Variants in SALL2 observed in about 807,000 individuals in gnomAD.
SALL2 encodes the protein sal-like protein 2.
Under a neutral mutation model 58.5 loss-of-function variants are expected in SALL2, and 32 were observed. That is an observed-to-expected ratio of 0.55 (90% CI 0.41 to 0.74). The LOEUF is 0.74. Ranked by LOEUF, SALL2 falls within the 30% of genes least tolerant of loss-of-function variation. The pLI is 0.00. For synonymous variants in SALL2, 516 were observed against 513.6 expected, an observed-to-expected ratio of 1.00 and a Z score of -0.06; for missense variants, 1,201 against 1,268.9, an observed-to-expected ratio of 0.95 and a Z score of 0.81.
chr14:21,534,196 G>A (rs1217043591), intron 1 of SALL2, among the ~76,000 whole-genome samples: 1 of 152,122 alleles, frequency 6.6e-6, no homozygotes, highest in East Asian at 1.9e-4. Context: ...AGATCCAGGA[G>A]GAATTTTAGA....
intron 1 of SALL2, chr14:21,536,705 C>G: frequency 1.6e-6 from 1 of 620,242 alleles, no homozygotes; most frequent in South Asian, 2.0e-5. Context: ...ATCTCTTACT[C>G]CCTGCATCTC....
chr14:21,525,635 A>G lies in SALL2; in HGVS notation c.87T>C (p.Asp29=). The change falls in exon 2 of 2, where the codon GAT becomes GAC. Residue 29 remains aspartate (D), a synonymous_variant. Coordinates refer to ENST00000537235, the MANE Select transcript of SALL2 (RefSeq NM_001364564.1). The surrounding 1 kb of genome is among the most constrained non-coding windows in gnomAD (Gnocchi z 4.4). ...AELGGDASEE[D]HPQVCAKCCA... The stretch of plus-strand genomic sequence containing the variant: ...AGCACTTGGCACAGACTTGGGGGTG[A>G]TCCTCCTCGCTAGCATCACCTGGGG... 3 of 1,582,072 alleles carry G rather than the reference A, an allele frequency of 1.9e-6. No individual in the cohort carries two copies. Among genetic ancestry groups the G allele is most frequent in the South Asian group, 2.3e-5 (2 of 85,734 alleles).
In SALL2 at chr14:21,521,527, C is replaced by T. The variant is rs1159891879; in HGVS notation, c.*1177G>A. The T allele has an allele frequency of 6.2e-6, 1 of 162,042 alleles. No homozygotes were observed. The highest frequency in any genetic ancestry group is 1.4e-5 in the Non-Finnish European group (1 of 73,602). The allele number at this position is 162,042 out of a possible 1,614,324, so 10.0% of individuals were successfully genotyped here. Reference sequence around the variant, plus strand: ...CCATGATCCCTGGTACACCTCTGCACACTATGTCACTATTAGCCCAAAAGA... The same window carrying T: ...CCATGATCCCTGGTACACCTCTGCATACTATGTCACTATTAGCCCAAAAGA... On this transcript the variant is annotated 3_prime_UTR_variant, in exon 2 of 2. Coordinates refer to ENST00000537235, the MANE Select transcript of SALL2 (RefSeq NM_001364564.1).
Position 21,522,943 on chromosome 14 carries a change from G to C in SALL2, c.2779C>G (p.His927Asp). 1 of 1,614,090 alleles carries C rather than the reference G, an allele frequency of 6.2e-7. No individual in the cohort carries two copies. The highest frequency in any genetic ancestry group is 8.5e-7 in the Non-Finnish European group (1 of 1,179,996). Residue 927 changes from histidine to aspartate, a missense_variant, in exon 2 of 2, where the codon CAT (histidine) becomes GAT (aspartate). Coordinates refer to ENST00000537235, the MANE Select transcript of SALL2 (RefSeq NM_001364564.1). ...AFPSQAALEE[H>D]QKTHPKEGPL... ...CCCTCCTTGGGGTGGGTCTTCTGATGCTCCTCCAGAGCTGCCTGGGAGGGA... is the reference window on the plus strand; with the variant it reads ...CCCTCCTTGGGGTGGGTCTTCTGATCCTCCTCCAGAGCTGCCTGGGAGGGA...
Position 21,522,830 on chromosome 14 carries a change from T to C in SALL2, c.2892A>G (p.Val964=), listed in dbSNP as rs745884260. Residue 964 remains valine (V), a synonymous_variant, in exon 2 of 2, where the codon GTA becomes GTG. Coordinates refer to ENST00000537235, the MANE Select transcript of SALL2 (RefSeq NM_001364564.1). ...KKHMLLAHHQ[V]QPFAPHGPQN... is the part of the protein sequence containing the mutation. ...GAGGGCCATGGGGGGCAAAGGGCTGTACCTGGTGGTGTGCCAGGAGCATAT... is the reference window on the plus strand; with the variant it reads ...GAGGGCCATGGGGGGCAAAGGGCTGCACCTGGTGGTGTGCCAGGAGCATAT... 9.9e-6 allele frequency: 16 copies of C among 1,609,924 alleles called. No individual in the cohort carries two copies. The highest frequency in any genetic ancestry group is 3.3e-4 in the Middle Eastern group (2 of 6,048).
At position 21,523,906 on chromosome 14, in the gene SALL2, T is replaced by C. The variant is rs1252732896; in HGVS notation, c.1816A>G (p.Thr606Ala). Reference protein sequence around the residue: ...KIDRQGAVAVTSAASGAPTTS... With the variant: ...KIDRQGAVAVASAASGAPTTS... ...GTGGGGGCTCCTGAGGCAGCTGAGGTCACCGCCACAGCTCCTTGCCGGTCA... is the reference window on the plus strand; with the variant it reads ...GTGGGGGCTCCTGAGGCAGCTGAGGCCACCGCCACAGCTCCTTGCCGGTCA... Residue 606 changes from threonine (T) to alanine (A), a missense_variant, in exon 2 of 2, where the codon ACC becomes GCC. Around this residue, in one of 3 missense-constraint regions of SALL2, gnomAD observed 675 missense variants for 683.8 expected, o/e 0.99. Transcript: ENST00000537235. This position sits in a 1 kb window ranked among gnomAD's most constrained non-coding sequence, Gnocchi z 4.4. 1 of 1,613,958 alleles carries C rather than the reference T, an allele frequency of 6.2e-7. No homozygotes were observed. Among genetic ancestry groups the C allele is most frequent in the East Asian group, 2.2e-5 (1 of 44,886 alleles).
In SALL2 at chr14:21,523,394, A is replaced by T. The variant is rs1488765465; in HGVS notation, c.2328T>A (p.Thr776=). The change falls in exon 2 of 2, where the codon ACT becomes ACA. Residue 776 remains threonine, a synonymous_variant. Transcript: ENST00000537235. The surrounding 1 kb of genome is among the most constrained non-coding windows in gnomAD (Gnocchi z 4.4). ...CTCTCCCTGCCAGGGAATCTTCATC[A>T]GTCACATCTTCCTCTTCTTCCTCAT... is the stretch of plus-strand genomic sequence containing the variant. ...EEDEEEEEDV[T]DEDSLAGRGS... 6.2e-7 allele frequency: 1 copy of T among 1,613,704 alleles called. No homozygotes were observed. The highest frequency in any genetic ancestry group is 1.3e-5 in the African/African-American group (1 of 74,996).
In SALL2 at chr14:21,524,753, C is replaced by T. The variant is rs138332104; in HGVS notation, c.969G>A (p.Thr323=). ...ASPHLAFPST[T]GLLAAQCLGA... is the part of the protein sequence containing the mutation. ...CAAGACACTGTGCTGCCAGTAGTCCCGTGGTGCTTGGGAATGCCAGATGAG... is the reference window on the plus strand; with the variant it reads ...CAAGACACTGTGCTGCCAGTAGTCCTGTGGTGCTTGGGAATGCCAGATGAG... Residue 323 remains threonine, a synonymous_variant, in exon 2 of 2, where the codon ACG becomes ACA. Coordinates refer to ENST00000537235, the MANE Select transcript of SALL2 (RefSeq NM_001364564.1). 8.1e-6 allele frequency: 13 copies of T among 1,608,674 alleles called. No individual in the cohort carries two copies. The highest frequency in any genetic ancestry group is 6.7e-5 in the Admixed American group (4 of 59,588).
rs748588799 is a variant in SALL2, at chr14:21,522,269, C to T, written c.*435G>A. 30 of 1,562,296 alleles carry T rather than the reference C, an allele frequency of 1.9e-5. No homozygotes were observed. The African/African-American group carries it at 3.0e-4, about 15-fold the overall frequency. On this transcript the variant is annotated 3_prime_UTR_variant, in exon 2 of 2. Coordinates refer to ENST00000537235, the MANE Select transcript of SALL2 (RefSeq NM_001364564.1). Reference sequence around the variant, plus strand: ...TCTAGAAAGATAGGGGACCCATACCCACCAGCTGAGCAGAAAGGTCACCCC... The same window carrying T: ...TCTAGAAAGATAGGGGACCCATACCTACCAGCTGAGCAGAAAGGTCACCCC...
chr14:21,535,826 T>C (rs1452465308), intron 1 of SALL2, among the ~76,000 whole-genome samples: 1 of 152,222 alleles, frequency 6.6e-6, no homozygotes. Flanking sequence ...GCCATACCAC[T>C]GACAAGTATG....
At chr14:21,532,436 C>T (rs1055128529) in intron 1 of SALL2, among the ~76,000 whole-genome samples, 1 of 152,060 alleles carries the variant, frequency 6.6e-6, no homozygotes, top group East Asian at 1.9e-4. Flanking sequence ...GAATTGTACA[C>T]TTAAAAATGG....
At position 21,523,864 on chromosome 14, in the gene SALL2, G is replaced by A; in HGVS notation, c.1858C>T (p.Pro620Ser). The change falls in exon 2 of 2, where the codon CCT (proline) becomes TCT (serine). Residue 620 changes from proline (P) to serine (S), a missense_variant. Physicochemically the swap from Pro to Ser is moderately conservative, Grantham distance 74. Around this residue, in one of 3 missense-constraint regions of SALL2, gnomAD observed 675 missense variants for 683.8 expected, o/e 0.99. Transcript: ENST00000537235. This position sits in a 1 kb window ranked among gnomAD's most constrained non-coding sequence, Gnocchi z 4.4. ...GGTCCAGAAGAGGCTGAGGATGAAG[G>A]TGCAGGGGCAGAGGTGGTGGGGGCT... is the stretch of plus-strand genomic sequence containing the variant. Reference protein sequence around the residue: ...SGAPTTSAPAPSSSASSGPNQ... With the variant: ...SGAPTTSAPASSSSASSGPNQ... The A allele has an allele frequency of 6.2e-7, 1 of 1,614,234 alleles. No homozygotes were observed. Among genetic ancestry groups the A allele is most frequent in the Admixed American group, 1.7e-5 (1 of 60,032 alleles).
rs1038559562 is a variant in SALL2, at chr14:21,526,204, G to A, written c.-77C>T. Reference sequence around the variant, plus strand: ...GATTGAGGGAGGCGATGGCCGCTGGGTCTGCGGCAGCCTCTGCACCCAGCG... The same window carrying A: ...GATTGAGGGAGGCGATGGCCGCTGGATCTGCGGCAGCCTCTGCACCCAGCG... On this transcript the variant is annotated 5_prime_UTR_variant, in exon 1 of 2. Coordinates refer to ENST00000537235, the MANE Select transcript of SALL2 (RefSeq NM_001364564.1). The A allele has an allele frequency of 2.5e-5, 38 of 1,522,918 alleles. No homozygotes were observed. The highest frequency in any genetic ancestry group is 3.3e-5 in the Non-Finnish European group (38 of 1,138,818). 94.3% of individuals were successfully genotyped at this position (1,522,918 alleles called of 1,614,324 possible).
upstream of SALL2, among the ~76,000 whole-genome samples, chr14:21,529,334 A>G (rs74034937): frequency 0.05 from 7,681 of 152,262 alleles, 607 homozygotes; most frequent in African/African-American, 0.17. Context: ...AATGACAAAG[A>G]AAAGGGAAAC....
chr14:21,532,169 A>G (rs979000330), intron 1 of SALL2, among the ~76,000 whole-genome samples: 4 of 152,224 alleles, frequency 2.6e-5, no homozygotes, highest in African/African-American at 9.6e-5. Flanking sequence ...AAAACATACT[A>G]AGTGCAATAA....
chr14:21,530,870 A>G (rs868623176), upstream of SALL2, among the ~76,000 whole-genome samples: 1 of 152,224 alleles, frequency 6.6e-6, no homozygotes, highest in Middle Eastern at 3.2e-3. Flanking sequence ...CCTTGTCCCC[A>G]CAAAGTGCTG....
chr14:21,528,340 T>C (rs1892378822), upstream of SALL2, among the ~76,000 whole-genome samples: 1 of 152,208 alleles, frequency 6.6e-6, no homozygotes. Context: ...AGATATTGGC[T>C]AATATCAGCA....
rs1892071179 is a variant in SALL2 at position 21,522,349 on chromosome 14, T to G, written c.*355A>C. On this transcript the variant is annotated 3_prime_UTR_variant, in exon 2 of 2. Transcript: ENST00000537235. Reference sequence around the variant, plus strand: ...AGCTGCCAGCCCTTTTTGGCTAGGCTGCAATGCCAAATGTAGGTGCTCAGG... The same window carrying G: ...AGCTGCCAGCCCTTTTTGGCTAGGCGGCAATGCCAAATGTAGGTGCTCAGG... The G allele has an allele frequency of 6.9e-7, 1 of 1,451,186 alleles. No homozygotes were observed. The highest frequency in any genetic ancestry group is 2.5e-5 in the Admixed American group (1 of 40,462). The allele number at this position is 1,451,186 out of a possible 1,614,324, so 89.9% of individuals were successfully genotyped here. A position where few individuals can be genotyped will look rare whatever the true frequency, so the allele number is the denominator to read the frequency against.
At chr14:21,534,873 A>C (rs1174734870) in intron 1 of SALL2, among the ~76,000 whole-genome samples, 1 of 152,166 alleles carries the variant, frequency 6.6e-6, no homozygotes, top group Non-Finnish European at 1.5e-5. Flanking sequence ...CCAGAAAAGC[A>C]GTGTTTCGGG....
Sources: gnomAD v4.1 joint callset for allele counts (sites outside exome capture counted in the v4.1 genomes callset) on GRCh38, gnomAD v4.1.1 for gene constraint, gnomAD v4.1.1 regional missense constraint, Gnocchi (gnomAD v3.1) non-coding constraint, MANE v1.5 for transcripts, NCBI Gene and HGNC (gene_info 2026-07-23, HGNC 2026-07-21) for gene names.